Variants in ZNF106 observed in about 807,000 individuals in gnomAD.
ZNF106 encodes the protein zinc finger protein 106, also known as SH3-domain binding protein 3.
Under a neutral mutation model 195.1 loss-of-function variants are expected in ZNF106, and 67 were observed. The ratio of observed to expected loss-of-function variants is 0.34; its 90% confidence interval spans 0.28 to 0.42. The LOEUF (loss-of-function observed/expected upper bound fraction) is 0.42, where lower values mean the gene tolerates loss of function less well. Ranked by LOEUF, ZNF106 falls within the 10% of genes least tolerant of loss-of-function variation. The pLI is 1.00. For missense variants in ZNF106, 2,118 were observed against 2,304.5 expected (o/e 0.92, Z 1.66); for synonymous variants, 784 against 818.6 (o/e 0.96, Z 0.72).
intron 4 of ZNF106, among the ~76,000 whole-genome samples, chr15:42,452,462 G>A (rs1353422111): frequency 6.6e-6 from 1 of 152,026 alleles, no homozygotes; most frequent in Non-Finnish European, 1.5e-5. Context: ...GGTGGAGGTT[G>A]CAGTGAGCTG....
At chr15:42,488,759 C>A (rs1399065061) in intron 1 of ZNF106, among the ~76,000 whole-genome samples, 1 of 152,046 alleles carries the variant, frequency 6.6e-6, no homozygotes, top group Non-Finnish European at 1.5e-5. Flanking sequence ...ATAGTCTTTC[C>A]TTTTTAAATA....
At chr15:42,417,726 A>C in intron 21 of ZNF106, 79 bp downstream of exon 21, 1 of 1,460,732 alleles carries the variant, frequency 6.8e-7, no homozygotes, top group Non-Finnish European at 9.1e-7. Context: ...GGCAATTCTC[A>C]ATAATAAAAA....
At chr15:42,452,947 A>G (rs1378417855) in intron 4 of ZNF106, among the ~76,000 whole-genome samples, 1 of 152,026 alleles carries the variant, frequency 6.6e-6, no homozygotes, top group Non-Finnish European at 1.5e-5. Context: ...CGGCCTCCCA[A>G]AGTGCTGGGA....
Position 42,413,169 on chromosome 15 carries a change from C to T in ZNF106, c.*4135G>A, listed in dbSNP as rs1479561192. 4.6e-5 allele frequency: 7 copies of T among 152,120 alleles called. No individual in the cohort carries two copies. The allele number at this position is 152,120 out of a possible 1,614,324, so 9.4% of individuals were successfully genotyped here. On this transcript the variant is annotated 3_prime_UTR_variant, in exon 22 of 22. Coordinates refer to ENST00000564754, the MANE Select transcript of ZNF106 (RefSeq NM_001366845.3). ...TAGTCACCAGGTAACCCAGCAGGGC[C>T]ATATACTTGGGCTTGGAGGTGAGGT... is the stretch of plus-strand genomic sequence containing the variant.
chr15:42,439,958 A>C, intron 10 of ZNF106, 145 bp from the exon 11 acceptor site: 4 of 763,462 alleles, frequency 5.2e-6, no homozygotes, highest in Non-Finnish European at 7.9e-6. Context: ...GTTTCCCATC[A>C]CCTACATACA....
In ZNF106 at chr15:42,448,211, T is replaced by TTA; in HGVS notation, c.2995_2996insTA (p.Glu999ValfsTer19). Reference sequence around the variant, plus strand: ...TGCGCTTGATGACAGACAGTTTCCCTCTCCATTACTCTCCTGGGAATTCTG... The same window carrying TTA: ...TGCGCTTGATGACAGACAGTTTCCCTTACTCCATTACTCTCCTGGGAATTCTG... On this transcript the variant is annotated frameshift_variant, in exon 6 of 22. Coordinates refer to ENST00000564754, the MANE Select transcript of ZNF106 (RefSeq NM_001366845.3). LOFTEE classifies it high-confidence loss of function. The TTA allele has an allele frequency of 6.2e-7, 1 of 1,614,152 alleles. No homozygotes were observed. Among genetic ancestry groups the TTA allele is most frequent in the Non-Finnish European group, 8.5e-7 (1 of 1,180,024 alleles).
At chr15:42,451,978 T>C (rs2056050321) in intron 4 of ZNF106, 24 bp from the exon 5 acceptor site, 5 of 1,586,826 alleles carry the variant, frequency 3.2e-6, no homozygotes, top group African/African-American at 1.4e-5. Context: ...AGTTTTTCAT[T>C]AGCGATTTAA....
intron 1 of ZNF106, among the ~76,000 whole-genome samples, chr15:42,486,221 G>A (rs1411307718): frequency 6.6e-6 from 1 of 151,494 alleles, no homozygotes; most frequent in Non-Finnish European, 1.5e-5. Context: ...GCCTCCCAAA[G>A]TGCTGGGACT....
chr15:42,465,653 T>G (rs538157620), intron 3 of ZNF106, among the ~76,000 whole-genome samples: 4 of 152,236 alleles, frequency 2.6e-5, no homozygotes, highest in Non-Finnish European at 5.9e-5. Context: ...TTAGCAGACT[T>G]TGGATGTCTC....
At position 42,449,846 on chromosome 15, in the gene ZNF106, C is replaced by T. The variant is rs753327485; in HGVS notation, c.2426G>A (p.Arg809Gln). ...GACCTGTTCCCAGTTGACATTTCTC[C>T]GAGATGCATTTAGAATCTGCCGTAG... ...PTLRQILNAS[R>Q]RNVNWEQVIQ... Residue 809 changes from arginine to glutamine, a missense_variant, in exon 5 of 22, where the codon CGG (arginine) becomes CAG (glutamine). By Grantham distance (43) the Arg-to-Gln change is conservative. Coordinates refer to ENST00000564754, the MANE Select transcript of ZNF106 (RefSeq NM_001366845.3). 16 of 1,614,150 alleles carry T rather than the reference C, an allele frequency of 9.9e-6. 2 individuals are homozygous for T. In the South Asian group the frequency reaches 1.2e-4, roughly 12 times the overall value.
intron 3 of ZNF106, among the ~76,000 whole-genome samples, chr15:42,458,220 CA>C (rs1466511141): frequency 2.6e-5 from 4 of 151,942 alleles, no homozygotes; most frequent in African/African-American, 9.7e-5. Context: ...ACCAACAACC[CA>C]AAAGGACATG....
In ZNF106 at chr15:42,417,959, G is replaced by C. The variant is rs1249404160; in HGVS notation, c.5518-8C>G. ...CAGAGAGCAACCATGCCACTGGAGAGAAAGAAAATGAGGAGACTCGGTGAA... is the reference window on the plus strand; with the variant it reads ...CAGAGAGCAACCATGCCACTGGAGACAAAGAAAATGAGGAGACTCGGTGAA... On this transcript the variant is annotated splice_polypyrimidine_tract_variant and splice_region_variant and intron_variant, in intron 20 of 21. Transcript: ENST00000564754. 2 of 1,608,904 alleles carry C rather than the reference G, an allele frequency of 1.2e-6. No homozygotes were observed. The highest frequency in any genetic ancestry group is 1.7e-4 in the Middle Eastern group (1 of 6,038).
intron 2 of ZNF106, among the ~76,000 whole-genome samples, chr15:42,470,277 T>C (rs936834622): frequency 4.6e-5 from 7 of 152,162 alleles, no homozygotes; most frequent in African/African-American, 7.2e-5. Flanking sequence ...TTCTCCTCCA[T>C]AGTTTATTTG....
At chr15:42,460,598 C>T (rs1385462236) in intron 3 of ZNF106, among the ~76,000 whole-genome samples, 1 of 152,224 alleles carries the variant, frequency 6.6e-6, no homozygotes, top group African/African-American at 2.4e-5. Flanking sequence ...CAGGTGCCCA[C>T]GCCTGTAATC....
intron 15 of ZNF106, 39 bp downstream of exon 15, chr15:42,427,979 G>C: frequency 6.5e-7 from 1 of 1,535,894 alleles, no homozygotes; most frequent in East Asian, 2.2e-5. Context: ...CTGTTTTCAA[G>C]TGCATGGGAA....
chr15:42,486,685 C>A lies in ZNF106; in HGVS notation c.-33+4295G>T, dbSNP rs187305407. ...AGAAATATGCCATAGGAACTTAACTCTTTTTTATATCAATTAACCTGTGGC... is the reference window on the plus strand; with the variant it reads ...AGAAATATGCCATAGGAACTTAACTATTTTTTATATCAATTAACCTGTGGC... On this transcript the variant is annotated intron_variant, in intron 1 of 21. Transcript: ENST00000564754. Among the ~76,000 whole-genome samples the A allele has an allele frequency of 3.9e-5, 6 of 152,210 alleles. No homozygotes were observed. The East Asian group carries it at 1.2e-3, about 29-fold the overall frequency.
rs367870077 is a variant in ZNF106, at chr15:42,448,455, T to C, written c.2752A>G (p.Ser918Gly). The change falls in exon 6 of 22, where the codon AGT becomes GGT. Residue 918 changes from serine (S) to glycine (G), a missense_variant. Transcript: ENST00000564754. Reference sequence around the variant, plus strand: ...CTCTGTCCAGCCCTCAATGAGTTACTAGGTGAAACCATCTGCTGGGGCTCA... The same window carrying C: ...CTCTGTCCAGCCCTCAATGAGTTACCAGGTGAAACCATCTGCTGGGGCTCA... ...ENEPQQMVSP[S>G]NSLRAGQSQK... 4 of 1,614,070 alleles carry C rather than the reference T, an allele frequency of 2.5e-6. No individual in the cohort carries two copies. In the African/African-American group the frequency reaches 5.3e-5, roughly 22 times the overall value.
At chr15:42,418,992 G>A (rs756558308) in intron 20 of ZNF106, among the ~76,000 whole-genome samples, 4 of 150,918 alleles carry the variant, frequency 2.7e-5, no homozygotes, top group Non-Finnish European at 4.4e-5. Flanking sequence ...TTGGGAGGCC[G>A]AGGTGGGTGG....
chr15:42,428,225 C>G (rs1403379271), intron 14 of ZNF106, 91 bp from the exon 15 acceptor site: 10 of 991,194 alleles, frequency 1.0e-5, no homozygotes, highest in Non-Finnish European at 1.4e-5. Context: ...TTTAAAATGA[C>G]TCTTATGCGG....
Sources: gnomAD v4.1 joint callset for allele counts (sites outside exome capture counted in the v4.1 genomes callset) on GRCh38, gnomAD v4.1.1 for gene constraint, MANE v1.5 for transcripts, NCBI Gene and HGNC (gene_info 2026-07-23, HGNC 2026-07-21) for gene names.